Variants in TBC1D16 observed in about 807,000 individuals in gnomAD.
The protein encoded by TBC1D16 is TBC1 domain family member 16, also known as CTD-2529O21.1.
Under a neutral mutation model 74.7 loss-of-function variants are expected in TBC1D16, and 58 were observed. The ratio of observed to expected loss-of-function variants is 0.78; its 90% CI spans 0.63 to 0.97. The LOEUF (loss-of-function observed/expected upper bound fraction) is 0.97. Ranked by LOEUF, TBC1D16 falls within the 50% of genes least tolerant of loss-of-function variation. The probability of loss-of-function intolerance (pLI) is 0.00; values close to 1 mark genes in which losing one functional copy is unlikely to be tolerated. For synonymous variants in TBC1D16, 493 were observed against 474.7 expected (o/e 1.04, Z -0.50); for missense variants, 1,014 against 1,079.5 (o/e 0.94, Z 0.85).
rs1201446801 is a variant in TBC1D16, at chr17:79,954,786, GA to G, written c.780-1969del. Reference sequence around the variant, plus strand: ...CCCGGCCCACCCAGTGGGGCCATCAGAGGGTGGTATCCTTTCCCGCCTCCTC... The same window carrying G: ...CCCGGCCCACCCAGTGGGGCCATCAGGGGTGGTATCCTTTCCCGCCTCCTC... On this transcript the variant is annotated intron_variant, in intron 3 of 11. Transcript: ENST00000310924. This position sits in a 1 kb window ranked among gnomAD's most constrained non-coding sequence, Gnocchi z 5.5. Among the ~76,000 whole-genome samples the G allele has an allele frequency of 6.6e-6, 1 of 152,166 alleles. No homozygotes were observed. The highest frequency in any genetic ancestry group is 1.5e-5 in the Non-Finnish European group (1 of 68,012).
chr17:79,945,215 C>T, intron 9 of TBC1D16, 128 bp from the exon 10 acceptor site: 2 of 1,001,604 alleles, frequency 2.0e-6, no homozygotes, highest in South Asian at 3.4e-5. Flanking sequence ...GGGGCCTCTA[C>T]CTGCTGCATG....
chr17:80,030,360 C>T (rs879655527), intron 1 of TBC1D16, among the ~76,000 whole-genome samples: 9 of 152,092 alleles, frequency 5.9e-5, no homozygotes, highest in Admixed American at 5.2e-4. Flanking sequence ...GAGAGGAGCA[C>T]GCCTGGGCCC....
chr17:79,950,562 T>G lies in TBC1D16; in HGVS notation c.1106A>C (p.Lys369Thr). 6.2e-7 allele frequency: 1 copy of G among 1,612,636 alleles called. No homozygotes were observed. The highest frequency in any genetic ancestry group is 2.2e-5 in the East Asian group (1 of 44,848). The change falls in exon 6 of 12, where the codon AAG becomes ACG. Residue 369 changes from lysine (K) to threonine (T), a missense_variant. Physicochemically the swap from Lys to Thr is moderately conservative, Grantham distance 78. Transcript: ENST00000310924. The surrounding 1 kb of genome is among the most constrained non-coding windows in gnomAD (Gnocchi z 4.6). ...GCGGATGGAGAACTGCATGCATGTC[T>G]TATCGGGGGCGACCTGCTGGACGGG... Reference protein sequence around the residue: ...QLKDQQVAPDKTCMQFSIRRP... With the variant: ...QLKDQQVAPDTTCMQFSIRRP...
Position 79,956,075 on chromosome 17 carries a change from C to A in TBC1D16, c.780-3257G>T, listed in dbSNP as rs576889559. ...GACGAGAGCTCATGAGAGAGACACG[C>A]AACTGGCAGTCAGCACCAGAGCCCC... On this transcript the variant is annotated intron_variant, in intron 3 of 11. Transcript: ENST00000310924. The surrounding 1 kb of genome is among the most constrained non-coding windows in gnomAD (Gnocchi z 4.0). Among the ~76,000 whole-genome samples, 1 of 152,266 alleles carries A rather than the reference C, an allele frequency of 6.6e-6. No individual in the cohort carries two copies. Among genetic ancestry groups the A allele is most frequent in the Non-Finnish European group, 1.5e-5 (1 of 68,030 alleles).
chr17:80,031,324 T>C (rs1297886712), intron 1 of TBC1D16, among the ~76,000 whole-genome samples: 2 of 152,210 alleles, frequency 1.3e-5, no homozygotes, highest in South Asian at 2.1e-4. Flanking sequence ...AGAAGCCACA[T>C]TCAGGATACA....
chr17:79,960,063 GA>G (rs200625228), intron 3 of TBC1D16, among the ~76,000 whole-genome samples: 11 of 144,612 alleles, frequency 7.6e-5, no homozygotes, highest in African/African-American at 1.5e-4. Flanking sequence ...GACCATAAGT[GA>G]AAAAAAAAAT....
rs536809859 is a variant in TBC1D16 at position 79,958,128 on chromosome 17, A to G, written c.780-5310T>C. On this transcript the variant is annotated intron_variant, in intron 3 of 11. Transcript: ENST00000310924. ...ATGGTTTATGAAATTGGCATCAATT[A>G]ACAAATTATAAAATCTAGTGTGGTA... is the stretch of plus-strand genomic sequence containing the variant. Among the ~76,000 whole-genome samples the G allele has an allele frequency of 7.2e-5, 11 of 152,294 alleles. No individual in the cohort carries two copies. In the South Asian group the frequency reaches 2.1e-3, roughly 29 times the overall value.
chr17:80,023,366 C>G (rs1178620922), intron 1 of TBC1D16, among the ~76,000 whole-genome samples: 1 of 149,798 alleles, frequency 6.7e-6, no homozygotes, highest in Non-Finnish European at 1.5e-5. Flanking sequence ...TGGGACAGTA[C>G]CCGGGCAGCC....
rs924472818 is a variant in TBC1D16 at position 79,990,905 on chromosome 17, G to A, written c.779+19255C>T. On this transcript the variant is annotated intron_variant, in intron 3 of 11. Transcript: ENST00000310924. The surrounding 1 kb of genome is among the most constrained non-coding windows in gnomAD (Gnocchi z 4.8). The stretch of plus-strand genomic sequence containing the variant: ...GTCCTCAACTCATCCGTGTTGCGGC[G>A]CGTGTCAGAATTGCCTTCCCAAGGC... Among the ~76,000 whole-genome samples, 11 of 152,232 alleles carry A rather than the reference G, an allele frequency of 7.2e-5. No individual in the cohort carries two copies. Among genetic ancestry groups the A allele is most frequent in the East Asian group, 3.8e-4 (2 of 5,196 alleles).
Position 80,007,223 on chromosome 17 carries a change from A to G in TBC1D16, c.779+2937T>C, listed in dbSNP as rs966139291. ...AAGAGGCATTTTCTGAGCCTTCATC[A>G]GGAGCAGGGCCGGGCTGTGGTAAGC... On this transcript the variant is annotated intron_variant, in intron 3 of 11. Coordinates refer to ENST00000310924, the MANE Select transcript of TBC1D16 (RefSeq NM_019020.4). The surrounding 1 kb of genome is among the most constrained non-coding windows in gnomAD (Gnocchi z 4.5). Among the ~76,000 whole-genome samples, 5 of 152,110 alleles carry G rather than the reference A, an allele frequency of 3.3e-5. No homozygotes were observed. Among genetic ancestry groups the G allele is most frequent in the African/African-American group, 1.2e-4 (5 of 41,400 alleles).
intron 1 of TBC1D16, among the ~76,000 whole-genome samples, chr17:80,019,419 C>T (rs2036207443): frequency 7.0e-6 from 1 of 142,796 alleles, no homozygotes; most frequent in African/African-American, 2.8e-5. Flanking sequence ...CCATCACCCG[C>T]CACCTGGGAC....
rs886317461 is a variant in TBC1D16, at chr17:79,971,893, G to T, written c.780-19075C>A. Among the ~76,000 whole-genome samples the T allele has an allele frequency of 6.6e-6, 1 of 152,118 alleles. No individual in the cohort carries two copies. On this transcript the variant is annotated intron_variant, in intron 3 of 11. Transcript: ENST00000310924. This position sits in a 1 kb window ranked among gnomAD's most constrained non-coding sequence, Gnocchi z 4.6. ...ATGGGGGCTGGCTGTGGGGGTCTTT[G>T]TGGGGAAGAAAGAGCCTGAGTGGGT...
chr17:79,960,778 C>CAAAAAAAAAAAAAAAA (rs1433555447), intron 3 of TBC1D16, among the ~76,000 whole-genome samples: 3 of 23,148 alleles, frequency 1.3e-4, no homozygotes, highest in Non-Finnish European at 2.5e-4. Context: ...AAACAAAAAC[C>CAAAAAAAAAAAAAAAA]CAAAAAAAAA....
In TBC1D16 at chr17:79,952,805, AGCTGGACGGGGG is replaced by A; in HGVS notation, c.781_792del (p.Pro261_Ser264del). ...TCCGGGAACCGCAGGCCGGCGTCGG[AGCTGGACGGGGG>A]GCTGGTGGAACAGGTTATGTGATGA... On this transcript the variant is annotated inframe_deletion and splice_region_variant, in exon 4 of 12. Coordinates refer to ENST00000310924, the MANE Select transcript of TBC1D16 (RefSeq NM_019020.4). 1 of 1,609,218 alleles carries A rather than the reference AGCTGGACGGGGG, an allele frequency of 6.2e-7. No homozygotes were observed. The highest frequency in any genetic ancestry group is 8.5e-7 in the Non-Finnish European group (1 of 1,177,570).
rs201707775 is a variant in TBC1D16, at chr17:79,947,668, C to T, written c.1705G>A (p.Asp569Asn). 1.9e-6 allele frequency: 3 copies of T among 1,614,040 alleles called. No individual in the cohort carries two copies. Among genetic ancestry groups the T allele is most frequent in the African/African-American group, 1.3e-5 (1 of 74,936 alleles). ...ACCAGTTGTTTCTCCATGTCCTCGT[C>T]CCGGGGTGAGCTGACGAAGATCGTG... Reference protein sequence around the residue: ...QNTIFVSSPRDEDMEKQLLYL... With the variant: ...QNTIFVSSPRNEDMEKQLLYL... The change falls in exon 9 of 12, where the codon GAC (aspartate) becomes AAC (asparagine). Residue 569 changes from aspartate (D) to asparagine (N), a missense_variant. Physicochemically the swap from Asp to Asn is conservative, Grantham distance 23. Transcript: ENST00000310924.
At chr17:79,977,144 C>T (rs770385525) in intron 3 of TBC1D16, among the ~76,000 whole-genome samples, 3 of 152,218 alleles carry the variant, frequency 2.0e-5, no homozygotes, top group East Asian at 1.9e-4. Flanking sequence ...GGTCATTTCA[C>T]GCCTTCCCCA....
chr17:79,943,282 G>C, intron 10 of TBC1D16, among the ~76,000 whole-genome samples: 1 of 152,156 alleles, frequency 6.6e-6, no homozygotes, highest in Non-Finnish European at 1.5e-5. Context: ...TGGCTGGTGC[G>C]AGACACAGCG....
chr17:79,936,921 TGTGTGTGTGTGTGTGTGTGC>T lies in TBC1D16; in HGVS notation c.*3918_*3937del, dbSNP rs2031650373. On this transcript the variant is annotated 3_prime_UTR_variant, in exon 12 of 12. Transcript: ENST00000310924. ...GTGTGTGCATGTGCGTGTGTGTGTG[TGTGTGTGTGTGTGTGTGTGC>T]GCATTTTCCCAGGGGACCTCTCCTC... 7.4e-6 allele frequency: 1 copy of T among 134,728 alleles called. No individual in the cohort carries two copies. Among genetic ancestry groups the T allele is most frequent in the Admixed American group, 7.3e-5 (1 of 13,766 alleles). 8.3% of individuals were successfully genotyped at this position (134,728 alleles called of 1,614,324 possible).
chr17:79,951,396 T>G, intron 5 of TBC1D16, 54 bp downstream of exon 5: 3 of 1,577,790 alleles, frequency 1.9e-6, no homozygotes, highest in Non-Finnish European at 1.7e-6. Context: ...ATGGGGCCCG[T>G]GGGGGGTGGG....
Sources: gnomAD v4.1 joint callset for allele counts (sites outside exome capture counted in the v4.1 genomes callset) on GRCh38, gnomAD v4.1.1 for gene constraint, Gnocchi (gnomAD v3.1) non-coding constraint, MANE v1.5 for transcripts, NCBI Gene and HGNC (gene_info 2026-07-23, HGNC 2026-07-21) for gene names.